Variants in D2HGDH observed in about 807,000 individuals in gnomAD.
D2HGDH encodes D-2-hydroxyglutarate dehydrogenase, mitochondrial.
A neutral mutation model predicts 46.9 loss-of-function variants in D2HGDH; 31 were observed. The observed-to-expected ratio is 0.66, with a 90% CI of 0.50 to 0.89. D2HGDH has a LOEUF of 0.89. D2HGDH is among the 40% of genes least tolerant of loss of function. The pLI, the probability that D2HGDH is intolerant of heterozygous loss-of-function variation, is 0.00. For missense variants in D2HGDH, 698 were observed against 720.8 expected, an observed-to-expected ratio of 0.97 and a Z score of 0.36; for synonymous variants, 364 against 332.6, an observed-to-expected ratio of 1.09 and a Z score of -1.03.
chr2:241,767,645 G>A, intron 9 of D2HGDH, 65 bp from the exon 10 acceptor site: 1 of 1,606,984 alleles, frequency 6.2e-7, no homozygotes, highest in Admixed American at 1.7e-5. Context: ...AGGGGCTGTT[G>A]GGGGAGGAGT....
In D2HGDH at chr2:241,735,162, C is replaced by T. The variant is rs1340531211; in HGVS notation, c.-63C>T. ...GCAGCCAGCGGCTCCCTGCCCTTCC[C>T]CTCCGGGCCCTGAGTACCGGCCCCC... On this transcript the variant is annotated 5_prime_UTR_variant, in exon 2 of 10. Coordinates refer to ENST00000321264, the MANE Select transcript of D2HGDH (RefSeq NM_152783.5). 6 of 1,431,150 alleles carry T rather than the reference C, an allele frequency of 4.2e-6. No individual in the cohort carries two copies. The East Asian group carries it at 1.1e-4, about 26-fold the overall frequency. 88.7% of individuals were successfully genotyped at this position (1,431,150 alleles called of 1,614,324 possible). A position where few individuals can be genotyped will look rare whatever the true frequency, so the allele number is the denominator to read the frequency against.
Position 241,754,958 on chromosome 2 carries a change from G to A in D2HGDH, c.1141-891G>A. 6.7e-6 allele frequency: 8 copies of A among 1,186,514 alleles called. No individual in the cohort carries two copies. In the South Asian group the frequency reaches 1.2e-4, roughly 18 times the overall value. 73.5% of individuals were successfully genotyped at this position (1,186,514 alleles called of 1,614,324 possible). ...TAGGGTCTCTGGAGGGGCAGGTGCTGGGCTTGAGCCCTGGGTAGGACCCTG... is the reference window on the plus strand; with the variant it reads ...TAGGGTCTCTGGAGGGGCAGGTGCTAGGCTTGAGCCCTGGGTAGGACCCTG... On this transcript the variant is annotated intron_variant, in intron 8 of 9. Transcript: ENST00000321264.
At chr2:241,754,971 G>C (rs986282006) in intron 8 of D2HGDH, 2 of 1,229,634 alleles carry the variant, frequency 1.6e-6, no homozygotes, top group Non-Finnish European at 2.1e-6. Context: ...CTTGAGCCCT[G>C]GGTAGGACCC....
Position 241,767,906 on chromosome 2 carries a change from CA to C in D2HGDH, c.1505del (p.Lys502ArgfsTer178). On this transcript the variant is annotated frameshift_variant, in exon 10 of 10. Coordinates refer to ENST00000321264, the MANE Select transcript of D2HGDH (RefSeq NM_152783.5). LOFTEE classifies it high-confidence loss of function. The part of the protein sequence containing the change: ...PGALQLMQQL[K>X]ALLDPKGILN... ...GGGCCCTGCAGCTCATGCAGCAGCT[CA>C]AGGCCCTGCTGGACCCCAAGGGCAT... 1 of 1,603,876 alleles carries C rather than the reference CA, an allele frequency of 6.2e-7. No homozygotes were observed.
intron 8 of D2HGDH, among the ~76,000 whole-genome samples, chr2:241,754,011 T>G (rs1191601325): frequency 6.6e-6 from 1 of 150,994 alleles, no homozygotes; most frequent in African/African-American, 2.4e-5. Flanking sequence ...AAAGACGGGG[T>G]GTGGGGAGCA....
At position 241,754,848 on chromosome 2, in the gene D2HGDH, C is replaced by G. The variant is rs150341809; in HGVS notation, c.1141-1001C>G. ...AAACTCCTGGGCTCAAGTGATCCTCCTGCCTCAGCCTCCCAAAGCTCTGGG... is the reference window on the plus strand; with the variant it reads ...AAACTCCTGGGCTCAAGTGATCCTCGTGCCTCAGCCTCCCAAAGCTCTGGG... On this transcript the variant is annotated intron_variant, in intron 8 of 9. Transcript: ENST00000321264. 1,280 of 412,726 alleles carry G rather than the reference C, an allele frequency of 3.1e-3. 12 individuals carry two copies. The highest frequency in any genetic ancestry group is 0.025 in the African/African-American group (1,203 of 47,606). The allele number at this position is 412,726 out of a possible 1,614,324, so 25.6% of individuals were successfully genotyped here.
intron 2 of D2HGDH, among the ~76,000 whole-genome samples, 182 bp downstream of exon 2, chr2:241,735,698 A>G (rs556000597): frequency 8.5e-5 from 13 of 152,340 alleles, no homozygotes; most frequent in South Asian, 8.3e-4. Context: ...GTCGCTTAGA[A>G]CAACCCAAGT....
At chr2:241,762,611 G>A (rs1377646654) in intron 9 of D2HGDH, among the ~76,000 whole-genome samples, 9 of 152,126 alleles carry the variant, frequency 5.9e-5, no homozygotes, top group Non-Finnish European at 1.2e-4. Flanking sequence ...TTGGAACTCA[G>A]TCCAAGCCCC....
intron 9 of D2HGDH, among the ~76,000 whole-genome samples, chr2:241,760,387 A>G (rs1698667894): frequency 6.7e-6 from 1 of 148,232 alleles, no homozygotes; most frequent in South Asian, 2.2e-4. Flanking sequence ...CCTTTGCCAC[A>G]GCGTGGGTGG....
At chr2:241,760,613 C>G (rs907541663) in intron 9 of D2HGDH, among the ~76,000 whole-genome samples, 2 of 151,110 alleles carry the variant, frequency 1.3e-5, no homozygotes, top group Non-Finnish European at 2.9e-5. Context: ...GTGGGTGGGC[C>G]TTACCCAATC....
Position 241,735,220 on chromosome 2 carries a change from C to T in D2HGDH, c.-5C>T, listed in dbSNP as rs1225046936. 15 of 1,508,214 alleles carry T rather than the reference C, an allele frequency of 9.9e-6. No individual in the cohort carries two copies. The highest frequency in any genetic ancestry group is 1.4e-5 in the African/African-American group (1 of 69,302). 93.4% of individuals were successfully genotyped at this position (1,508,214 alleles called of 1,614,324 possible). The stretch of plus-strand genomic sequence containing the variant: ...GAGGAGCCCGAGGTCTCCGTCCCGG[C>T]GGCGATGCTGCCCCGTCGGCCTCTG... On this transcript the variant is annotated 5_prime_UTR_variant, in exon 2 of 10. Coordinates refer to ENST00000321264, the MANE Select transcript of D2HGDH (RefSeq NM_152783.5).
chr2:241,756,726 T>C (rs1698225539), intron 9 of D2HGDH, among the ~76,000 whole-genome samples: 1 of 152,202 alleles, frequency 6.6e-6, no homozygotes, highest in Non-Finnish European at 1.5e-5. Flanking sequence ...TTTGCCATGT[T>C]GGCCAGGCTG....
chr2:241,761,963 C>T (rs1291409088), intron 9 of D2HGDH, among the ~76,000 whole-genome samples: 4 of 152,030 alleles, frequency 2.6e-5, no homozygotes, highest in Admixed American at 6.6e-5. Context: ...TCTCTGTTCT[C>T]TCTTCTGATG....
At position 241,751,276 on chromosome 2, in the gene D2HGDH, C is replaced by T. The variant is rs756963229; in HGVS notation, c.1028C>T (p.Ser343Leu). The stretch of plus-strand genomic sequence containing the variant: ...CCGTTTTACGTCCTCATCGAGACTT[C>T]AGGCTCCAACGCAGGCCATGACGCT... ...ESPFYVLIET[S>L]GSNAGHDAEK... The change falls in exon 8 of 10, where the codon TCA (serine) becomes TTA (leucine). Residue 343 changes from serine to leucine, a missense_variant. Transcript: ENST00000321264. The T allele has an allele frequency of 1.2e-6, 2 of 1,614,030 alleles. No individual in the cohort carries two copies. The highest frequency in any genetic ancestry group is 8.5e-7 in the Non-Finnish European group (1 of 1,180,038).
At chr2:241,763,555 T>C (rs1442351574) in intron 9 of D2HGDH, among the ~76,000 whole-genome samples, 1 of 152,146 alleles carries the variant, frequency 6.6e-6, no homozygotes, top group African/African-American at 2.4e-5. Context: ...CTCTAGACTT[T>C]ATAAATGCTG....
chr2:241,750,488 C>T (rs956064915), intron 7 of D2HGDH, among the ~76,000 whole-genome samples, 194 bp downstream of exon 7: 3 of 152,228 alleles, frequency 2.0e-5, no homozygotes, highest in Non-Finnish European at 4.4e-5. Context: ...GGACAAAGAA[C>T]AGGCTGCCCT....
intron 2 of D2HGDH, among the ~76,000 whole-genome samples, chr2:241,738,216 T>C (rs1417535783): frequency 6.6e-6 from 1 of 152,134 alleles, no homozygotes. Context: ...CTGCCCTGAG[T>C]GCACACCATG....
Position 241,735,094 on chromosome 2 carries a change from A to G in D2HGDH, c.-92-39A>G, listed in dbSNP as rs569199403. ...CTGCAAGCGTGTTTCAATTTGTACA[A>G]CGTGCATAAAACATGAAATTACCCT... On this transcript the variant is annotated intron_variant, in intron 1 of 9. Transcript: ENST00000321264. 4.6e-4 allele frequency: 452 copies of G among 984,576 alleles called. 3 individuals carry two copies. In the African/African-American group the frequency reaches 7.2e-3, roughly 16 times the overall value. 61.0% of individuals were successfully genotyped at this position (984,576 alleles called of 1,614,324 possible).
chr2:241,757,537 A>G (rs1227075839), intron 9 of D2HGDH, among the ~76,000 whole-genome samples: 6 of 152,094 alleles, frequency 3.9e-5, no homozygotes, highest in Non-Finnish European at 7.4e-5. Flanking sequence ...GGGATCCCCA[A>G]TATTTCAGAA....
Sources: gnomAD v4.1 joint callset for allele counts (sites outside exome capture counted in the v4.1 genomes callset) on GRCh38, gnomAD v4.1.1 for gene constraint, MANE v1.5 for transcripts, NCBI Gene and HGNC (gene_info 2026-07-23, HGNC 2026-07-21) for gene names.